Variants in LRIF1 observed in about 807,000 individuals in gnomAD.
The protein encoded by LRIF1 is ligand-dependent nuclear receptor-interacting factor 1.
A neutral mutation model predicts 52.7 loss-of-function variants in LRIF1; 32 were observed. The observed-to-expected ratio is 0.61, with a 90% CI of 0.46 to 0.82. The LOEUF (loss-of-function observed/expected upper bound fraction) is 0.82, where lower values mean the gene tolerates loss of function less well. Ranked by LOEUF, LRIF1 falls within the 40% of genes least tolerant of loss-of-function variation. The pLI is 0.00. For synonymous variants in LRIF1, 323 were observed against 317.4 expected, an observed-to-expected ratio of 1.02 and a Z score of -0.19; for missense variants, 887 against 892.0, an observed-to-expected ratio of 0.99 and a Z score of 0.07.
chr1:110,909,502 A>G, the LRIF1 span, among the ~76,000 whole-genome samples: 2 of 152,114 alleles, frequency 1.3e-5, no homozygotes, highest in South Asian at 2.1e-4. Flanking sequence ...GCAATGACAC[A>G]TATAGGCTCA....
rs773474582 is a variant in LRIF1 at position 110,951,529 on chromosome 1, G to A, written c.1355C>T (p.Pro452Leu). 19 of 1,614,016 alleles carry A rather than the reference G, an allele frequency of 1.2e-5. No individual in the cohort carries two copies. The highest frequency in any genetic ancestry group is 1.6e-5 in the Non-Finnish European group (19 of 1,180,020). Residue 452 changes from proline to leucine, a missense_variant, in exon 2 of 4, where the codon CCT becomes CTT. Coordinates refer to ENST00000369763, the MANE Select transcript of LRIF1 (RefSeq NM_018372.4). ...AEKNKVEKPS[P>L]STTNPHMNQS... Reference sequence around the variant, plus strand: ...GTTCATATGTGGATTTGTGGTAGAAGGAGATGGTTTCTCCACTTTATTCTT... The same window carrying A: ...GTTCATATGTGGATTTGTGGTAGAAAGAGATGGTTTCTCCACTTTATTCTT...
Position 110,952,279 on chromosome 1 carries a change from G to A in LRIF1, c.605C>T (p.Pro202Leu). Residue 202 changes from proline (P) to leucine (L), a missense_variant, in exon 2 of 4, where the codon CCT becomes CTT. Transcript: ENST00000369763. Reference protein sequence around the residue: ...EVKSVPASSLPPSVQQKILAT... With the variant: ...EVKSVPASSLLPSVQQKILAT... ...AAGTATCTTTTGCTGCACTGAAGGA[G>A]GCAATGATGACGCTGGTACAGATTT... The A allele has an allele frequency of 6.2e-7, 1 of 1,614,190 alleles. No individual in the cohort carries two copies. Among genetic ancestry groups the A allele is most frequent in the South Asian group, 1.1e-5 (1 of 91,088 alleles).
the LRIF1 span, among the ~76,000 whole-genome samples, chr1:110,913,128 C>A: frequency 6.6e-6 from 1 of 152,212 alleles, no homozygotes; most frequent in South Asian, 2.1e-4. Context: ...ATACACAAGA[C>A]TGAAACTGGA....
In LRIF1 at chr1:110,948,933, C is replaced by T. The variant is rs1299012746; in HGVS notation, c.1870-534G>A. Among the ~76,000 whole-genome samples the T allele has an allele frequency of 2.6e-5, 4 of 152,188 alleles. No homozygotes were observed. The South Asian group carries it at 6.2e-4, about 24-fold the overall frequency. On this transcript the variant is annotated intron_variant, in intron 3 of 3. Transcript: ENST00000369763. ...ATATGCATGCTTATATCTTCTACTACATTTGAATTATTTCCTTTAGATAGA... is the reference window on the plus strand; with the variant it reads ...ATATGCATGCTTATATCTTCTACTATATTTGAATTATTTCCTTTAGATAGA...
At chr1:110,909,641 C>T in the LRIF1 span, among the ~76,000 whole-genome samples, 6 of 132,480 alleles carry the variant, frequency 4.5e-5, no homozygotes, top group East Asian at 9.8e-4. Flanking sequence ...AGTGCAGTGG[C>T]GCGATCTCGG....
the LRIF1 span, among the ~76,000 whole-genome samples, chr1:110,918,674 T>C: frequency 5.3e-5 from 8 of 152,174 alleles, no homozygotes; most frequent in Non-Finnish European, 8.8e-5. Flanking sequence ...ATGAGAAAGA[T>C]AGGCAAAACA....
At chr1:110,889,555 CAAAT>C in the LRIF1 span, among the ~76,000 whole-genome samples, 766 of 146,328 alleles carry the variant, frequency 5.2e-3, 7 homozygotes, top group African/African-American at 0.015. Context: ...AAAACTCCGT[CAAAT>C]AAATAAATAA....
chr1:110,936,541 G>A, the LRIF1 span: 1 of 151,954 alleles, frequency 6.6e-6, no homozygotes, highest in Non-Finnish European at 1.5e-5. Context: ...TGAAATAATG[G>A]TTTAAAAGAT....
At chr1:110,949,592 G>C (rs1048944811) in intron 3 of LRIF1, among the ~76,000 whole-genome samples, 1 of 151,488 alleles carries the variant, frequency 6.6e-6, no homozygotes, top group Admixed American at 6.6e-5. Context: ...GCTAATTTTT[G>C]TATTTTTAGT....
At chr1:110,897,532 T>G in the LRIF1 span, 6 of 289,132 alleles carry the variant, frequency 2.1e-5, no homozygotes, top group Non-Finnish European at 3.9e-5. Flanking sequence ...CGTCGGTTGC[T>G]GACCTGCCTC....
At chr1:110,934,891 C>T in the LRIF1 span, among the ~76,000 whole-genome samples, 2 of 152,136 alleles carry the variant, frequency 1.3e-5, no homozygotes, top group Admixed American at 6.5e-5. Context: ...AGATCCAGTG[C>T]TATGCTAGCT....
At chr1:110,880,721 T>C in the LRIF1 span, among the ~76,000 whole-genome samples, 1 of 152,188 alleles carries the variant, frequency 6.6e-6, no homozygotes, top group African/African-American at 2.4e-5. Context: ...GTAATGAGGC[T>C]TTGAGAATTC....
At chr1:110,913,780 C>T in the LRIF1 span, among the ~76,000 whole-genome samples, 1,053 of 152,236 alleles carry the variant, frequency 6.9e-3, 7 homozygotes, top group Non-Finnish European at 0.011. Flanking sequence ...ACCCAGCAAT[C>T]CTATTACTGG....
Position 110,949,376 on chromosome 1 carries a change from C to T in LRIF1, c.1869+475G>A, listed in dbSNP as rs1387091622. Among the ~76,000 whole-genome samples, 4 of 151,196 alleles carry T rather than the reference C, an allele frequency of 2.6e-5. No individual in the cohort carries two copies. In the East Asian group the frequency reaches 5.8e-4, roughly 22 times the overall value. On this transcript the variant is annotated intron_variant, in intron 3 of 3. Coordinates refer to ENST00000369763, the MANE Select transcript of LRIF1 (RefSeq NM_018372.4). ...CTCGTGATCCGCCCGCCTCAGCCTC[C>T]CAAAGTGCTGGGATTACAGGCGTGA...
chr1:110,952,496 A>C lies in LRIF1; in HGVS notation c.388T>G (p.Ser130Ala). 6.2e-7 allele frequency: 1 copy of C among 1,613,366 alleles called. No individual in the cohort carries two copies. Among genetic ancestry groups the C allele is most frequent in the Non-Finnish European group, 8.5e-7 (1 of 1,179,354 alleles). Residue 130 changes from serine (S) to alanine (A), a missense_variant, in exon 2 of 4, where the codon TCA becomes GCA. By Grantham distance (99) the Ser-to-Ala change is moderately conservative. Coordinates refer to ENST00000369763, the MANE Select transcript of LRIF1 (RefSeq NM_018372.4). ...VTSVGTGNFS[S>A]SVSKVQSHGV... ...TGACTCTGAACTTTAGAAACTGATG[A>C]AGAAAAATTTCCAGTTCCCACAGAA...
the LRIF1 span, among the ~76,000 whole-genome samples, chr1:110,884,907 T>C: frequency 2.0e-5 from 3 of 152,210 alleles, no homozygotes; most frequent in East Asian, 5.8e-4. Flanking sequence ...TATTTATTCC[T>C]GCTTCATATT....
chr1:110,889,835 A>G, the LRIF1 span, among the ~76,000 whole-genome samples: 132 of 152,278 alleles, frequency 8.7e-4, no homozygotes, highest in African/African-American at 2.9e-3. Context: ...ATTACACTTT[A>G]CTTCTGATAT....
chr1:110,948,532 C>A, intron 3 of LRIF1, 133 bp from the exon 4 acceptor site: 2 of 1,324,084 alleles, frequency 1.5e-6, no homozygotes, highest in Non-Finnish European at 2.0e-6. Flanking sequence ...TGGAAGACAA[C>A]TACAGCAAGA....
chr1:110,951,274 C>T lies in LRIF1; in HGVS notation c.1596+14G>A, dbSNP rs1317936822. 6 of 1,592,372 alleles carry T rather than the reference C, an allele frequency of 3.8e-6. No homozygotes were observed. Among genetic ancestry groups the T allele is most frequent in the Non-Finnish European group, 4.3e-6 (5 of 1,171,124 alleles). ...TAGATATATAAAAAGAGCACCCTGA[C>T]ATGGGAAAATTACCTTTGGTTCTTG... On this transcript the variant is annotated intron_variant, in intron 2 of 3. Transcript: ENST00000369763.
Sources: gnomAD v4.1 joint callset for allele counts (sites outside exome capture counted in the v4.1 genomes callset) on GRCh38, gnomAD v4.1.1 for gene constraint, MANE v1.5 for transcripts, NCBI Gene and HGNC (gene_info 2026-07-23, HGNC 2026-07-21) for gene names.